The following KDM1B variants were observed in gnomAD, a reference collection of about 807,000 sequenced individuals.
KDM1B encodes lysine-specific histone demethylase 2.
Under a neutral mutation model 107.4 loss-of-function variants are expected in KDM1B, and 63 were observed. The ratio of observed to expected loss-of-function variants is 0.59; its 90% CI spans 0.48 to 0.72. The LOEUF (loss-of-function observed/expected upper bound fraction) is 0.72, where lower values mean the gene tolerates loss of function less well. Ranked by LOEUF, KDM1B falls within the 30% of genes least tolerant of loss-of-function variation. KDM1B has a pLI of 0.00. For synonymous variants in KDM1B, 363 were observed against 363.9 expected (o/e 1.00, Z 0.03); for missense variants, 749 against 1,020.8 (o/e 0.73, Z 3.63).
chr6:18,210,346 T>TTTTG, intron 17 of KDM1B, among the ~76,000 whole-genome samples: 1 of 38,644 alleles, frequency 2.6e-5, no homozygotes, highest in Non-Finnish European at 4.7e-5. Context: ...TCTTTTCTTT[T>TTTTG]TTTTTTTTTT....
chr6:18,208,627 ATTTTTTTTTTTTTTTTT>A (rs1167715268), intron 17 of KDM1B, among the ~76,000 whole-genome samples: 1 of 25,728 alleles, frequency 3.9e-5, no homozygotes, highest in African/African-American at 1.4e-4. Context: ...ATATATATAT[ATTTTTTTTTTTTTTTTT>A]TTTTTTTTTT....
chr6:18,192,049 A>G (rs1787313551), intron 10 of KDM1B, among the ~76,000 whole-genome samples: 2 of 152,102 alleles, frequency 1.3e-5, no homozygotes. Context: ...GCTTGAGCCT[A>G]GGAGTTCAAG....
intron 10 of KDM1B, among the ~76,000 whole-genome samples, chr6:18,193,368 A>G (rs370932764): frequency 1.7e-3 from 232 of 134,002 alleles, no homozygotes; most frequent in African/African-American, 6.4e-3. Flanking sequence ...CAGTGGCACC[A>G]TCACAGCTCA....
At position 18,171,483 on chromosome 6, in the gene KDM1B, T is replaced by C. The variant is rs761477526; in HGVS notation, c.534+4T>C. ...GAAACCAAATACTGCTATTAAGGTA[T>C]GTTCTCTTTTTGCTTTTGAGTTAAT... On this transcript the variant is annotated splice_donor_region_variant and intron_variant, in intron 7 of 21. Coordinates refer to ENST00000650836, the MANE Select transcript of KDM1B (RefSeq NM_001364614.2). 8.7e-6 allele frequency: 13 copies of C among 1,488,476 alleles called. No homozygotes were observed. In the East Asian group the frequency reaches 2.9e-4, roughly 34 times the overall value. The allele number at this position is 1,488,476 out of a possible 1,614,324, so 92.2% of individuals were successfully genotyped here. A position where few individuals can be genotyped will look rare whatever the true frequency, so the allele number is the denominator to read the frequency against.
In KDM1B at chr6:18,218,759, G is replaced by A. The variant is rs1789438568; in HGVS notation, c.2385+874G>A. Among the ~76,000 whole-genome samples the A allele has an allele frequency of 1.3e-5, 2 of 152,094 alleles. 1 individual carries two copies. Among genetic ancestry groups the A allele is most frequent in the South Asian group, 4.1e-4 (2 of 4,832 alleles). ...CAGTTGACACTGTCTGAGCTGGCCA[G>A]CTAGCTCCAGTCCTTGAAATGTCCC... On this transcript the variant is annotated intron_variant, in intron 21 of 21. Coordinates refer to ENST00000650836, the MANE Select transcript of KDM1B (RefSeq NM_001364614.2).
chr6:18,169,639 T>G (rs1266041071), intron 6 of KDM1B, among the ~76,000 whole-genome samples: 1 of 152,220 alleles, frequency 6.6e-6, no homozygotes, highest in African/African-American at 2.4e-5. Flanking sequence ...AGGTTTTTAA[T>G]TTTGAGGAAG....
In KDM1B at chr6:18,183,258, GTTTTTTTTTTTTTTT is replaced by G. The variant is rs34558185; in HGVS notation, c.535-2502_535-2488del. 0.02 allele frequency among the ~76,000 whole-genome samples: 1,253 copies of G among 61,536 alleles called. 95 individuals carry two copies. The Admixed American group carries it at 0.21, about 10-fold the overall frequency. 40.4% of individuals were successfully genotyped at this position (61,536 alleles called of 152,430 possible). ...GTAAACAATGTCCTGAATTTTGTGG[GTTTTTTTTTTTTTTT>G]TTTTTTTTTTTGAGACAGAGTTTTG... On this transcript the variant is annotated intron_variant, in intron 7 of 21. Transcript: ENST00000650836.
chr6:18,169,272 C>CACCCAGGCTG (rs1785506917), intron 6 of KDM1B, among the ~76,000 whole-genome samples: 1 of 144,582 alleles, frequency 6.9e-6, no homozygotes, highest in South Asian at 2.2e-4. Context: ...TCGCTCTTGT[C>CACCCAGGCTG]ACCCAGGCTG....
At chr6:18,207,627 G>C in intron 16 of KDM1B, 98 bp downstream of exon 16, 1 of 1,464,580 alleles carries the variant, frequency 6.8e-7, no homozygotes, top group East Asian at 2.3e-5. Flanking sequence ...GCTGGCTTTG[G>C]TGTTTAGCCA....
intron 9 of KDM1B, 69 bp downstream of exon 9, chr6:18,188,071 G>A: frequency 4.5e-6 from 6 of 1,344,604 alleles, no homozygotes; most frequent in Non-Finnish European, 6.2e-6. Context: ...GTGTGAGTGA[G>A]CAAAACGCAA....
rs1788233681 is a variant in KDM1B at position 18,204,368 on chromosome 6, C to T, written c.1532-1169C>T. On this transcript the variant is annotated intron_variant, in intron 14 of 21. Coordinates refer to ENST00000650836, the MANE Select transcript of KDM1B (RefSeq NM_001364614.2). This position sits in a 1 kb window ranked among gnomAD's most constrained non-coding sequence, Gnocchi z 4.9. ...GCATAGAGGCGGGCGCCTGTAGTCC[C>T]AGCTACTTGGGAGGCCGATTGCTGG... Among the ~76,000 whole-genome samples, 1 of 152,064 alleles carries T rather than the reference C, an allele frequency of 6.6e-6. No homozygotes were observed. Among genetic ancestry groups the T allele is most frequent in the Non-Finnish European group, 1.5e-5 (1 of 68,012 alleles).
intron 10 of KDM1B, among the ~76,000 whole-genome samples, chr6:18,193,329 A>G (rs1443631251): frequency 7.7e-6 from 1 of 129,350 alleles, no homozygotes; most frequent in Non-Finnish European, 1.6e-5. Context: ...TTTGAGACAC[A>G]GACTTGTTCT....
chr6:18,179,423 C>A (rs1033342994), intron 7 of KDM1B, among the ~76,000 whole-genome samples: 2 of 152,026 alleles, frequency 1.3e-5, no homozygotes, highest in African/African-American at 4.8e-5. Flanking sequence ...AGCAGTATAT[C>A]CTCTTTTCTA....
At chr6:18,217,098 C>T (rs968276932) in intron 20 of KDM1B, among the ~76,000 whole-genome samples, 2 of 152,138 alleles carry the variant, frequency 1.3e-5, no homozygotes. Flanking sequence ...TCTGCTACCA[C>T]ACGATGGAAA....
intron 20 of KDM1B, among the ~76,000 whole-genome samples, chr6:18,216,220 A>G (rs1582218937): frequency 6.6e-6 from 1 of 152,176 alleles, no homozygotes. Flanking sequence ...GGCTGGGATT[A>G]TGGGTGTGCT....
rs1455276159 is a variant in KDM1B, at chr6:18,209,713, C to T, written c.1866+1507C>T. Among the ~76,000 whole-genome samples, 1 of 152,126 alleles carries T rather than the reference C, an allele frequency of 6.6e-6. No individual in the cohort carries two copies. Among genetic ancestry groups the T allele is most frequent in the Non-Finnish European group, 1.5e-5 (1 of 68,016 alleles). ...CTCGAGCAACTGGGTTCAAGGGATC[C>T]TCTCACCTGAGCCTCCCTCGAGTAG... On this transcript the variant is annotated intron_variant, in intron 17 of 21. Coordinates refer to ENST00000650836, the MANE Select transcript of KDM1B (RefSeq NM_001364614.2). The surrounding 1 kb of genome is among the most constrained non-coding windows in gnomAD (Gnocchi z 4.3).
At chr6:18,170,328 T>G (rs1785572492) in intron 6 of KDM1B, among the ~76,000 whole-genome samples, 1 of 152,220 alleles carries the variant, frequency 6.6e-6, no homozygotes, top group Non-Finnish European at 1.5e-5. Context: ...GAAATTAACT[T>G]TGGCATAGTA....
rs778947941 is a variant in KDM1B, at chr6:18,162,793, G to A, written c.216-42G>A. 4.4e-6 allele frequency: 5 copies of A among 1,132,340 alleles called. No individual in the cohort carries two copies. In the Admixed American group the frequency reaches 8.6e-5, roughly 20 times the overall value. The allele number at this position is 1,132,340 out of a possible 1,614,324, so 70.1% of individuals were successfully genotyped here. A position where few individuals can be genotyped will look rare whatever the true frequency, so the allele number is the denominator to read the frequency against. On this transcript the variant is annotated intron_variant, in intron 4 of 21. Transcript: ENST00000650836. The surrounding 1 kb of genome is among the most constrained non-coding windows in gnomAD (Gnocchi z 4.1). The stretch of plus-strand genomic sequence containing the variant: ...TTTTTTAAAAAATGGGAGGAGAAAT[G>A]TTTATTCATTACCAAAGCTATATGT...
chr6:18,162,871 T>C lies in KDM1B; in HGVS notation c.252T>C (p.His84=). 1.2e-6 allele frequency: 2 copies of C among 1,612,378 alleles called. No individual in the cohort carries two copies. The change falls in exon 5 of 22, where the codon CAT becomes CAC. Residue 84 remains histidine, a synonymous_variant. Transcript: ENST00000650836. The surrounding 1 kb of genome is among the most constrained non-coding windows in gnomAD (Gnocchi z 4.1). The part of the protein sequence containing the change: ...AKNGYTSRWY[H]LSCGEHFCNE... ...ATGGCTACACCTCCCGATGGTATCA[T>C]CTCTCCTGTGGGGAACATTTCTGTA...
Sources: gnomAD v4.1 joint callset for allele counts (sites outside exome capture counted in the v4.1 genomes callset) on GRCh38, gnomAD v4.1.1 for gene constraint, Gnocchi (gnomAD v3.1) non-coding constraint, MANE v1.5 for transcripts, NCBI Gene and HGNC (gene_info 2026-07-23, HGNC 2026-07-21) for gene names.